Variants in ATP13A3 observed in about 807,000 individuals in gnomAD.
The protein encoded by ATP13A3 is ATPase 13A3.
In ATP13A3, 59 loss-of-function variants were observed where a neutral mutation model predicts 158.1. That is an observed-to-expected ratio of 0.37 (90% CI 0.30 to 0.46). The LOEUF (loss-of-function observed/expected upper bound fraction) is 0.46. Ranked by LOEUF, ATP13A3 falls within the 20% of genes least tolerant of loss-of-function variation. The pLI, the probability that ATP13A3 is intolerant of heterozygous loss-of-function variation, is 1.00. For missense variants in ATP13A3, 1,166 were observed against 1,525.2 expected (o/e 0.76, Z 3.92); for synonymous variants, 491 against 504.3 (o/e 0.97, Z 0.35).
intron 33 of ATP13A3, among the ~76,000 whole-genome samples, chr3:194,410,331 A>AAAAAAAG (rs869283016): frequency 1.5e-5 from 2 of 132,942 alleles, no homozygotes; most frequent in Non-Finnish European, 3.2e-5. Context: ...AAAAAAAAAA[A>AAAAAAAG]CTGCTGGGCC....
At chr3:194,463,307 A>G (rs939977932) in intron 2 of ATP13A3, among the ~76,000 whole-genome samples, 1 of 123,924 alleles carries the variant, frequency 8.1e-6, no homozygotes, top group Non-Finnish European at 1.8e-5. Context: ...TTTTTTTTGT[A>G]TTTCAAATAT....
chr3:194,423,185 T>C (rs925179121), intron 30 of ATP13A3, among the ~76,000 whole-genome samples: 2 of 152,156 alleles, frequency 1.3e-5, no homozygotes, highest in Non-Finnish European at 2.9e-5. Flanking sequence ...TGAGAAAATG[T>C]AACTGTGAAG....
At position 194,428,985 on chromosome 3, in the gene ATP13A3, T is replaced by C. The variant is rs1018991978; in HGVS notation, c.2875-68A>G. 23 of 1,097,650 alleles carry C rather than the reference T, an allele frequency of 2.1e-5. No individual in the cohort carries two copies. The African/African-American group carries it at 3.4e-4, about 16-fold the overall frequency. 68.0% of individuals were successfully genotyped at this position (1,097,650 alleles called of 1,614,324 possible). On this transcript the variant is annotated intron_variant, in intron 27 of 33. Transcript: ENST00000645319. ...ATTTTTATAGCGTCCCCAGGTTTTA[T>C]TAATAGTTTGGATTTTCCCTATAAT...
intron 6 of ATP13A3, 48 bp downstream of exon 6, chr3:194,459,423 G>T: frequency 7.8e-7 from 1 of 1,281,690 alleles, no homozygotes; most frequent in Non-Finnish European, 1.1e-6. Context: ...TATCTAGAAC[G>T]TTTTCAGGAT....
intron 33 of ATP13A3, among the ~76,000 whole-genome samples, chr3:194,408,960 G>A (rs1264374959): frequency 2.0e-5 from 3 of 152,262 alleles, no homozygotes; most frequent in African/African-American, 4.8e-5. Flanking sequence ...ACAGGGCATC[G>A]GGGGCACAGA....
Position 194,448,631 on chromosome 3 carries a change from T to C in ATP13A3, c.976A>G (p.Ser326Gly), listed in dbSNP as rs1226148366. The C allele has an allele frequency of 6.2e-7, 1 of 1,606,088 alleles. No homozygotes were observed. The highest frequency in any genetic ancestry group is 8.5e-7 in the Non-Finnish European group (1 of 1,177,052). ...IVNESMLTGE[S>G]VPVTKTNLPN... Reference sequence around the variant, plus strand: ...AAATTAGTCTTTGTCACTGGAACACTTTCTCCTTTAAAAAACAACAACAAC... The same window carrying C: ...AAATTAGTCTTTGTCACTGGAACACCTTCTCCTTTAAAAAACAACAACAAC... The change falls in exon 12 of 34, where the codon AGT (serine) becomes GGT (glycine). Residue 326 changes from serine to glycine, a missense_variant. Around this residue, in one of 3 missense-constraint regions of ATP13A3, gnomAD observed 997 missense variants for 1,341.2 expected, o/e 0.74. Coordinates refer to ENST00000645319, the MANE Select transcript of ATP13A3 (RefSeq NM_001367549.1). The surrounding 1 kb of genome is among the most constrained non-coding windows in gnomAD (Gnocchi z 4.0).
chr3:194,433,993 A>G (rs956184787), intron 20 of ATP13A3, 97 bp from the exon 21 acceptor site: 24 of 1,244,038 alleles, frequency 1.9e-5, no homozygotes, highest in East Asian at 7.6e-5. Flanking sequence ...AAAAATGTCT[A>G]TAAGTTATAA....
At chr3:194,483,854 A>G (rs568512261) in intron 2 of ATP13A3, among the ~76,000 whole-genome samples, 2 of 152,380 alleles carry the variant, frequency 1.3e-5, no homozygotes, top group South Asian at 4.1e-4. Flanking sequence ...AATGTTTTTA[A>G]AACTTTAAAA....
At chr3:194,422,057 C>T (rs2108777653) in intron 30 of ATP13A3, among the ~76,000 whole-genome samples, 1 of 151,888 alleles carries the variant, frequency 6.6e-6, no homozygotes, top group Non-Finnish European at 1.5e-5. Context: ...TGGATCCCAC[C>T]TCTAAAAATC....
chr3:194,439,563 A>C (rs537618461), intron 16 of ATP13A3, among the ~76,000 whole-genome samples: 3 of 152,336 alleles, frequency 2.0e-5, no homozygotes, highest in Admixed American at 6.5e-5. Flanking sequence ...GGGATCAATA[A>C]ATGAGAAAAC....
Position 194,469,916 on chromosome 3 carries a change from T to C in ATP13A3, c.-46-7680A>G, listed in dbSNP as rs150683344. Among the ~76,000 whole-genome samples, 1,337 of 152,318 alleles carry C rather than the reference T, an allele frequency of 8.8e-3. 21 individuals carry two copies. The highest frequency in any genetic ancestry group is 0.022 in the African/African-American group (907 of 41,566). ...ACGTTTAAAGCCTTAACTTTAGTCATTGAACAATTTCAATTTTAATACCTA... is the reference window on the plus strand; with the variant it reads ...ACGTTTAAAGCCTTAACTTTAGTCACTGAACAATTTCAATTTTAATACCTA... On this transcript the variant is annotated intron_variant, in intron 2 of 33. Transcript: ENST00000645319.
At chr3:194,483,816 C>T (rs1168127398) in intron 2 of ATP13A3, among the ~76,000 whole-genome samples, 1 of 152,102 alleles carries the variant, frequency 6.6e-6, no homozygotes, top group East Asian at 1.9e-4. Context: ...TATCGAGCAG[C>T]CCTGTTCTGC....
chr3:194,421,303 T>C (rs1315805625), intron 30 of ATP13A3, among the ~76,000 whole-genome samples: 7 of 146,580 alleles, frequency 4.8e-5, no homozygotes, highest in South Asian at 4.4e-4. Context: ...CCTGTAATCC[T>C]AGCACTTTGG....
intron 22 of ATP13A3, 49 bp downstream of exon 22, chr3:194,431,668 T>C (rs781697988): frequency 1.1e-4 from 162 of 1,436,912 alleles, no homozygotes; most frequent in Non-Finnish European, 1.4e-4. Flanking sequence ...TTTTTCAGAC[T>C]AAATTTAAAT....
intron 33 of ATP13A3, among the ~76,000 whole-genome samples, chr3:194,408,714 T>G (rs917275117): frequency 1.1e-4 from 16 of 152,166 alleles, no homozygotes; most frequent in African/African-American, 3.6e-4. Flanking sequence ...TGGAAACATT[T>G]TGTTCCTGTA....
intron 7 of ATP13A3, among the ~76,000 whole-genome samples, chr3:194,456,744 T>G (rs1173741918): frequency 1.3e-5 from 2 of 152,104 alleles, no homozygotes; most frequent in African/African-American, 4.8e-5. Flanking sequence ...AGGCATACCA[T>G]TATTATATGA....
At chr3:194,425,815 A>C (rs374515129) in intron 29 of ATP13A3, among the ~76,000 whole-genome samples, 48 of 152,338 alleles carry the variant, frequency 3.2e-4, no homozygotes, top group African/African-American at 1.1e-3. Context: ...ATTTTAGCAG[A>C]GTGAAAACAG....
At chr3:194,422,650 A>T (rs1219046170) in intron 30 of ATP13A3, among the ~76,000 whole-genome samples, 1 of 152,140 alleles carries the variant, frequency 6.6e-6, no homozygotes, top group Non-Finnish European at 1.5e-5. Flanking sequence ...TGTGCTGTTC[A>T]TGATACCAGA....
intron 29 of ATP13A3, 90 bp from the exon 30 acceptor site, chr3:194,425,619 T>G (rs1356090174): frequency 2.0e-6 from 2 of 983,786 alleles, no homozygotes; most frequent in African/African-American, 3.3e-5. Context: ...CCTGAATCAC[T>G]ATCATAACAA....
Sources: allele counts gnomAD v4.1 joint callset (sites outside exome capture counted in the v4.1 genomes callset), GRCh38; gene constraint gnomAD v4.1.1; regional missense constraint gnomAD v4.1.1; non-coding constraint Gnocchi (gnomAD v3.1); transcripts MANE v1.5; gene names NCBI Gene and HGNC (gene_info 2026-07-23, HGNC 2026-07-21).